Variants in TRPC5 observed in about 807,000 individuals in gnomAD.
The protein encoded by TRPC5 is short transient receptor potential channel 5.
TRPC5 carries 9 observed loss-of-function variants against 56.5 expected under a neutral mutation model. The observed-to-expected ratio is 0.16, with a 90% confidence interval of 0.10 to 0.28. The LOEUF (loss-of-function observed/expected upper bound fraction) is 0.28, where lower values mean the gene tolerates loss of function less well. Among genes scored for constraint, TRPC5 ranks in the 10% least tolerant of loss-of-function variants. TRPC5 has a pLI of 1.00. For missense variants in TRPC5, 469 were observed against 748.9 expected (o/e 0.63, Z 4.36); for synonymous variants, 282 against 278.5 (o/e 1.01, Z -0.13).
chrX:111,951,805 A>G (rs1000903411), intron 2 of TRPC5, among the ~76,000 whole-genome samples: 8 of 111,985 alleles, frequency 7.1e-5, no homozygotes, highest in Non-Finnish European at 1.3e-4. Context: ...TTGGGTTGCT[A>G]AGTACATTCA....
chrX:112,014,155 A>G (rs906792306), intron 1 of TRPC5, among the ~76,000 whole-genome samples: 1 of 111,680 alleles, frequency 9.0e-6, no homozygotes, highest in Non-Finnish European at 1.9e-5. Context: ...CTGCTGGTCC[A>G]GGGACCATAC....
intron 1 of TRPC5, among the ~76,000 whole-genome samples, chrX:111,978,502 C>T (rs770938539): frequency 9.0e-6 from 1 of 111,138 alleles, no homozygotes; most frequent in South Asian, 3.8e-4. Context: ...TAAAAGTAAG[C>T]ATACACGTAC....
intron 3 of TRPC5, chrX:111,903,181 T>G (rs1308215130): frequency 8.9e-6 from 1 of 111,841 alleles, no homozygotes; most frequent in Non-Finnish European, 1.9e-5. Context: ...TTCTGTAATT[T>G]TATGTGCTTA....
At chrX:111,960,344 C>T (rs1207164633) in intron 1 of TRPC5, among the ~76,000 whole-genome samples, 1 of 112,322 alleles carries the variant, frequency 8.9e-6, no homozygotes, top group Non-Finnish European at 1.9e-5. Flanking sequence ...GCTTTTTCCT[C>T]TCCTTCTCTC....
intron 1 of TRPC5, among the ~76,000 whole-genome samples, chrX:111,985,567 C>T (rs953561727): frequency 1.8e-5 from 2 of 111,987 alleles, no homozygotes; most frequent in Non-Finnish European, 3.8e-5. Flanking sequence ...GGTCCTTCCT[C>T]TAGGAGACCT....
At position 112,005,482 on chromosome X, in the gene TRPC5, AT is replaced by A. The variant is rs1556608173; in HGVS notation, c.-21-53042del. Among the ~76,000 whole-genome samples the A allele has an allele frequency of 6.8e-3, 727 of 107,695 alleles. 13 individuals carry two copies. Among genetic ancestry groups the A allele is most frequent in the African/African-American group, 0.023 (653 of 28,868 alleles). 93.5% of individuals were successfully genotyped at this position (107,695 alleles called of 115,157 possible). A position where few individuals can be genotyped will look rare whatever the true frequency, so the allele number is the denominator to read the frequency against. ...TAAAAGTAAAAAAAAAAAAAAAAAA[AT>A]ATCTTACCAACTCCAGGGTCCCTCT... is the stretch of plus-strand genomic sequence containing the variant. On this transcript the variant is annotated intron_variant, in intron 1 of 10. Coordinates refer to ENST00000262839, the MANE Select transcript of TRPC5 (RefSeq NM_012471.3).
intron 3 of TRPC5, among the ~76,000 whole-genome samples, chrX:111,879,870 T>C (rs1054287227): frequency 3.6e-5 from 4 of 112,121 alleles, no homozygotes; most frequent in Non-Finnish European, 7.5e-5. Context: ...CTCTTATCCA[T>C]TGTGCTAGTG....
At chrX:112,046,408 G>A (rs1220699440) in intron 1 of TRPC5, among the ~76,000 whole-genome samples, 2 of 110,298 alleles carry the variant, frequency 1.8e-5, no homozygotes, top group African/African-American at 6.6e-5. Flanking sequence ...AAGAAGTGGA[G>A]CCAGAGCCTG....
intron 1 of TRPC5, among the ~76,000 whole-genome samples, chrX:112,033,151 T>C (rs1051793492): frequency 6.4e-5 from 6 of 93,659 alleles, no homozygotes; most frequent in Admixed American, 4.1e-4. Context: ...TTCTCACTCA[T>C]AGGTGGGAAT....
intron 1 of TRPC5, among the ~76,000 whole-genome samples, chrX:112,067,091 G>A (rs1426917325): frequency 8.9e-6 from 1 of 112,376 alleles, no homozygotes; most frequent in Non-Finnish European, 1.9e-5. Flanking sequence ...CCTGATAAGT[G>A]GGCCTTAGGT....
intron 1 of TRPC5, among the ~76,000 whole-genome samples, chrX:111,963,822 A>G (rs1486488927): frequency 9.0e-6 from 1 of 111,699 alleles, no homozygotes; most frequent in Non-Finnish European, 1.9e-5. Context: ...AAACACATCT[A>G]TACGTCAACA....
At chrX:111,918,891 G>A (rs1926049755) in intron 2 of TRPC5, among the ~76,000 whole-genome samples, 1 of 111,187 alleles carries the variant, frequency 9.0e-6, no homozygotes, top group African/African-American at 3.3e-5. Context: ...GTGGAGTGGG[G>A]AGGTCAAGGA....
chrX:112,071,808 G>A (rs1318480863), intron 1 of TRPC5, among the ~76,000 whole-genome samples: 4 of 111,761 alleles, frequency 3.6e-5, no homozygotes, highest in African/African-American at 1.3e-4. Context: ...CATGGCTTGT[G>A]GTTTTCTGTC....
chrX:111,776,616 C>A lies in TRPC5; in HGVS notation c.2619G>T (p.Gln873His), dbSNP rs775181506. The change falls in exon 11 of 11, where the codon CAG (glutamine) becomes CAT (histidine). Residue 873 changes from glutamine to histidine, a missense_variant. This residue lies in a region of TRPC5 where 194 missense variants were observed against 221.8 expected (regional missense o/e 0.87). Coordinates refer to ENST00000262839, the MANE Select transcript of TRPC5 (RefSeq NM_012471.3). ...PMYTISDGIV[Q>H]QHCMWQDIRY... ...TGATGTCCTGCCACATACAGTGCTG[C>A]TGAACAATTCCATCAGAAATTGTGT... 1 of 1,211,952 alleles carries A rather than the reference C, an allele frequency of 8.3e-7. No individual in the cohort carries two copies. The highest frequency in any genetic ancestry group is 1.1e-6 in the Non-Finnish European group (1 of 895,598).
At chrX:111,809,924 T>C (rs1921648816) in intron 7 of TRPC5, among the ~76,000 whole-genome samples, 1 of 109,953 alleles carries the variant, frequency 9.1e-6, no homozygotes, top group African/African-American at 3.3e-5. Flanking sequence ...TTTGTTTTGT[T>C]TTGTTTTTGA....
At chrX:111,821,963 G>A (rs1922046125) in intron 7 of TRPC5, among the ~76,000 whole-genome samples, 1 of 111,287 alleles carries the variant, frequency 9.0e-6, no homozygotes, top group Non-Finnish European at 1.9e-5. Flanking sequence ...GTGGACAGTG[G>A]TCCAGAAACA....
At chrX:112,018,955 T>C (rs1220095335) in intron 1 of TRPC5, among the ~76,000 whole-genome samples, 1 of 112,450 alleles carries the variant, frequency 8.9e-6, no homozygotes, top group Non-Finnish European at 1.9e-5. Context: ...ACAAGATAAA[T>C]GTTTGCTTTC....
rs1945899915 is a variant in TRPC5, at chrX:111,779,030, T to A, written c.2187A>T (p.Ile729=). The A allele has an allele frequency of 8.3e-7, 1 of 1,204,272 alleles. No individual in the cohort carries two copies. Among genetic ancestry groups the A allele is most frequent in the African/African-American group, 1.7e-5 (1 of 57,155 alleles). ...NLVKRYVAAM[I]RNSKTHEGLT... is the part of the protein sequence containing the mutation. ...GTCCCTCATGTGTTTTGGAATTTCT[T>A]ATCATAGCAGCCACATATCTTTTGA... The change falls in exon 10 of 11, where the codon ATA becomes ATT. Residue 729 remains isoleucine (I), a synonymous_variant. Coordinates refer to ENST00000262839, the MANE Select transcript of TRPC5 (RefSeq NM_012471.3).
At chrX:111,948,092 T>A (rs1419883343) in intron 2 of TRPC5, among the ~76,000 whole-genome samples, 1 of 112,692 alleles carries the variant, frequency 8.9e-6, no homozygotes, top group Non-Finnish European at 1.9e-5. Flanking sequence ...TTTCTATTAT[T>A]ACTATTTCTA....
Sources: gnomAD v4.1 joint callset for allele counts (sites outside exome capture counted in the v4.1 genomes callset) on GRCh38, gnomAD v4.1.1 for gene constraint, gnomAD v4.1.1 regional missense constraint, MANE v1.5 for transcripts, NCBI Gene and HGNC (gene_info 2026-07-23, HGNC 2026-07-21) for gene names.